Variants in ATM observed in about 807,000 individuals in gnomAD.
ATM encodes the protein serine-protein kinase ATM.
A neutral mutation model predicts 387.0 loss-of-function variants in ATM; 308 were observed. That is an observed-to-expected ratio of 0.80 (90% CI 0.73 to 0.87). ATM has a LOEUF of 0.87. Ranked by LOEUF, ATM falls within the 40% of genes least tolerant of loss-of-function variation. The pLI, the probability that ATM is intolerant of heterozygous loss-of-function variation, is 0.00. For missense variants in ATM, 3,312 were observed against 3,560.9 expected (o/e 0.93, Z 1.78); for synonymous variants, 1,156 against 1,187.3 (o/e 0.97, Z 0.54).
In ATM at chr11:108,252,014, G is replaced by A. The variant is rs2080179445; in HGVS notation, c.1785G>A (p.Val595=). 6.2e-7 allele frequency: 1 copy of A among 1,612,408 alleles called. No homozygotes were observed. The highest frequency in any genetic ancestry group is 1.1e-5 in the South Asian group (1 of 90,968). ...GTGACTTAGAAAATAGCACAGAAGT[G>A]CCTCCAATTCTTCACAGGTAATTTA... The part of the protein sequence containing the change: ...LEGDLENSTE[V]PPILHSNFPH... The change falls in exon 11 of 63, where the codon GTG becomes GTA. Residue 595 remains valine, a synonymous_variant. Coordinates refer to ENST00000675843, the MANE Select transcript of ATM (RefSeq NM_000051.4).
At position 108,317,495 on chromosome 11, in the gene ATM, G is replaced by A. The variant is rs765763407; in HGVS notation, c.6321G>A (p.Met2107Ile). The A allele has an allele frequency of 6.2e-7, 1 of 1,610,990 alleles. No homozygotes were observed. The highest frequency in any genetic ancestry group is 8.5e-7 in the Non-Finnish European group (1 of 1,178,962). Reference sequence around the variant, plus strand: ...ATTACCAAGCAGCATGGAGGAATATGCAGTGGGACCATTGCACTTCCGTCA... The same window carrying A: ...ATTACCAAGCAGCATGGAGGAATATACAGTGGGACCATTGCACTTCCGTCA... The part of the protein sequence containing the change: ...ELHYQAAWRN[M>I]QWDHCTSVSK... The change falls in exon 43 of 63, where the codon ATG becomes ATA. Residue 2107 changes from methionine to isoleucine, a missense_variant. Met to Ile is a conservative substitution (Grantham distance 10, BLOSUM62 1). Around this residue, in one of 4 missense-constraint regions of ATM, gnomAD observed 1,405 missense variants for 1,604.4 expected, o/e 0.88. Transcript: ENST00000675843.
intron 7 of ATM, among the ~76,000 whole-genome samples, chr11:108,246,465 T>C (rs922941102): frequency 1.3e-5 from 2 of 152,216 alleles, no homozygotes; most frequent in African/African-American, 4.8e-5. Context: ...TTTCGCATAC[T>C]AGTCAAGCCA....
At position 108,227,854 on chromosome 11, in the gene ATM, C is replaced by T. The variant is rs786203888; in HGVS notation, c.151C>T (p.Gln51Ter). 6.2e-7 allele frequency: 1 copy of T among 1,613,274 alleles called. No homozygotes were observed. The highest frequency in any genetic ancestry group is 8.5e-7 in the Non-Finnish European group (1 of 1,179,754). The change falls in exon 3 of 63, where the codon CAA becomes TAA. Residue 51 changes from glutamine (Q) to a stop codon, truncating the protein, a stop_gained. Transcript: ENST00000675843. LOFTEE classifies it high-confidence loss of function. ...KHLDRHSDSKQGKYLNWDAVF... is the reference protein window; with the variant it reads ...KHLDRHSDSK ...TCTAGATCGGCATTCAGATTCCAAA[C>T]AAGGAAAATATTTGAATTGGGATGC...
At chr11:108,257,372 C>T (rs1028229681) in intron 14 of ATM, 109 bp from the exon 15 acceptor site, 3 of 1,300,834 alleles carry the variant, frequency 2.3e-6, no homozygotes, top group Non-Finnish European at 1.1e-6. Context: ...CTCTTAAGTG[C>T]ACTTTATTTT....
In ATM at chr11:108,279,499, A is replaced by G. The variant is rs1060501590; in HGVS notation, c.3293A>G (p.Gln1098Arg). Residue 1098 changes from glutamine to arginine, a missense_variant, in exon 23 of 63, where the codon CAG becomes CGG. Gln to Arg is a conservative substitution (Grantham distance 43). Coordinates refer to ENST00000675843, the MANE Select transcript of ATM (RefSeq NM_000051.4). The part of the protein sequence containing the change: ...LAAESINRLF[Q>R]DTKGDSSRLL... ...TGCTTGCTTGTTTTAAGATTGTTCC[A>G]GGACACGAAGGGAGATTCTTCCAGG... 5 of 1,608,352 alleles carry G rather than the reference A, an allele frequency of 3.1e-6. No homozygotes were observed. The highest frequency in any genetic ancestry group is 4.3e-6 in the Non-Finnish European group (5 of 1,176,148).
At position 108,355,074 on chromosome 11, in the gene ATM, G is replaced by C. The variant is rs1273340155; in HGVS notation, c.8850+200G>C. The C allele has an allele frequency of 6.0e-5, 35 of 581,430 alleles. 1 individual carries two copies. In the South Asian group the frequency reaches 6.9e-4, roughly 11 times the overall value. 36.0% of individuals were successfully genotyped at this position (581,430 alleles called of 1,614,324 possible). On this transcript the variant is annotated intron_variant, in intron 61 of 62. Transcript: ENST00000675843. ...GTTTAGAAATGCCTTCAGCCCCCTT[G>C]AGTTTCTTGGAATGTTAGAGCATTG...
intron 4 of ATM, 188 bp downstream of exon 4, chr11:108,229,511 A>G: frequency 3.6e-6 from 2 of 557,548 alleles, no homozygotes; most frequent in Non-Finnish European, 6.1e-6. Context: ...TTTTAGGGCT[A>G]GTCAAGTGAA....
chr11:108,227,380 C>G, intron 1 of ATM: 1 of 468,052 alleles, frequency 2.1e-6, no homozygotes, highest in Non-Finnish European at 3.8e-6. Context: ...TACAGCATTA[C>G]TTGTATAGAT....
chr11:108,338,577 A>G (rs960118939), intron 56 of ATM, among the ~76,000 whole-genome samples: 4 of 152,132 alleles, frequency 2.6e-5, no homozygotes, highest in African/African-American at 9.7e-5. Context: ...ATTGCTTGAA[A>G]TCAGGAGTTT....
At chr11:108,247,539 T>C (rs1175575551) in intron 8 of ATM, among the ~76,000 whole-genome samples, 3 of 152,178 alleles carry the variant, frequency 2.0e-5, no homozygotes, top group Non-Finnish European at 4.4e-5. Context: ...TTCAGTGGTT[T>C]TTAGTATTTT....
At chr11:108,358,059 A>T (rs539764474) in intron 61 of ATM, among the ~76,000 whole-genome samples, 1 of 147,494 alleles carries the variant, frequency 6.8e-6, no homozygotes, top group East Asian at 1.9e-4. Flanking sequence ...AAAATTTAGA[A>T]GAATGTATAA....
intron 16 of ATM, among the ~76,000 whole-genome samples, chr11:108,260,500 A>G (rs2080799400): frequency 6.6e-6 from 1 of 152,202 alleles, no homozygotes. Flanking sequence ...AAGGAATGTG[A>G]ATTTTACTTT....
intron 44 of ATM, 122 bp from the exon 45 acceptor site, chr11:108,321,179 G>A: frequency 7.7e-7 from 1 of 1,297,948 alleles, no homozygotes; most frequent in Non-Finnish European, 1.1e-6. Context: ...ACTGTTGCTT[G>A]TTAGTATTAT....
intron 45 of ATM, among the ~76,000 whole-genome samples, chr11:108,325,063 T>A (rs1192834348): frequency 2.0e-5 from 3 of 151,918 alleles, no homozygotes; most frequent in Non-Finnish European, 4.4e-5. Context: ...GTATTAAAAA[T>A]TTTTTTTGAT....
intron 61 of ATM, chr11:108,356,213 A>G (rs2089901731): frequency 6.6e-6 from 1 of 152,094 alleles, no homozygotes; most frequent in African/African-American, 2.4e-5. Context: ...ATTAAACTCT[A>G]AAGTTATATT....
At chr11:108,286,707 A>G (rs2082511695) in intron 26 of ATM, among the ~76,000 whole-genome samples, 1 of 152,144 alleles carries the variant, frequency 6.6e-6, no homozygotes. Flanking sequence ...ATTTCGTTCT[A>G]GGAGGTCAGC....
chr11:108,255,245 T>TC (rs2080398513), intron 13 of ATM, among the ~76,000 whole-genome samples: 1 of 152,078 alleles, frequency 6.6e-6, no homozygotes, highest in Non-Finnish European at 1.5e-5. Flanking sequence ...GTGTGCCTCT[T>TC]TATGATCTTT....
intron 57 of ATM, among the ~76,000 whole-genome samples, chr11:108,345,448 C>T (rs1053264512): frequency 6.6e-6 from 1 of 152,146 alleles, no homozygotes; most frequent in Non-Finnish European, 1.5e-5. Context: ...ACTACTTAGG[C>T]ATTTCTGTGT....
rs2091439247 is a variant in ATM, at chr11:108,368,319, T to C, written c.*2811T>C. 2 of 208,882 alleles carry C rather than the reference T, an allele frequency of 9.6e-6. No homozygotes were observed. Among genetic ancestry groups the C allele is most frequent in the Non-Finnish European group, 1.9e-5 (2 of 103,746 alleles). 12.9% of individuals were successfully genotyped at this position (208,882 alleles called of 1,614,324 possible). A position where few individuals can be genotyped will look rare whatever the true frequency, so the allele number is the denominator to read the frequency against. ...AAAAAAAAAAAAGGTTTTGGCAAGC[T>C]GGAACTCTTTCTGCAAATGACTAAG... On this transcript the variant is annotated 3_prime_UTR_variant, in exon 63 of 63. Transcript: ENST00000675843.
Sources: gnomAD v4.1 joint callset for allele counts (sites outside exome capture counted in the v4.1 genomes callset) on GRCh38, gnomAD v4.1.1 for gene constraint, gnomAD v4.1.1 regional missense constraint, MANE v1.5 for transcripts, NCBI Gene and HGNC (gene_info 2026-07-23, HGNC 2026-07-21) for gene names.